The following NDUFA9 variants were observed in gnomAD, a reference collection of about 807,000 sequenced individuals.
NDUFA9 encodes the protein NADH dehydrogenase [ubiquinone] 1 alpha subcomplex subunit 9, mitochondrial.
In NDUFA9, 23 loss-of-function variants were observed where a neutral mutation model predicts 45.9. The observed-to-expected ratio is 0.50, with a 90% CI of 0.36 to 0.71. The LOEUF is 0.71. NDUFA9 is among the 30% of genes least tolerant of loss of function. The pLI, the probability that NDUFA9 is intolerant of heterozygous loss-of-function variation, is 0.00. For missense variants in NDUFA9, 466 were observed against 488.2 expected (o/e 0.95, Z 0.43); for synonymous variants, 176 against 170.5 (o/e 1.03, Z -0.25).
Position 4,692,417 on chromosome 12 carries a change from C to T in NDUFA9, c.*5309C>T, listed in dbSNP as rs1205874970. On this transcript the variant is annotated 3_prime_UTR_variant, in exon 11 of 11. Coordinates refer to ENST00000266544, the MANE Select transcript of NDUFA9 (RefSeq NM_005002.5). ...ACCTACTGCCATGACTGGAAGCTTC[C>T]TGAAGCCTCCCCAGAAGCAGATGCC... 6.6e-6 allele frequency: 1 copy of T among 152,282 alleles called. No homozygotes were observed. Among genetic ancestry groups the T allele is most frequent in the Non-Finnish European group, 1.5e-5 (1 of 68,124 alleles). The allele number at this position is 152,282 out of a possible 1,614,324, so 9.4% of individuals were successfully genotyped here.
At chr12:4,677,462 A>T (rs1410646226) in intron 8 of NDUFA9, among the ~76,000 whole-genome samples, 2 of 152,190 alleles carry the variant, frequency 1.3e-5, no homozygotes, top group African/African-American at 4.8e-5. Flanking sequence ...CAAGAAAAAA[A>T]CTTCATCAAA....
At chr12:4,661,002 G>GA in intron 5 of NDUFA9, among the ~76,000 whole-genome samples, 2 of 150,952 alleles carry the variant, frequency 1.3e-5, no homozygotes, top group Admixed American at 1.3e-4. Flanking sequence ...GAGTTGGTAT[G>GA]TTTTTTTTTA....
chr12:4,686,669 C>T (rs1005252105), intron 10 of NDUFA9, among the ~76,000 whole-genome samples: 1 of 152,102 alleles, frequency 6.6e-6, no homozygotes, highest in Non-Finnish European at 1.5e-5. Context: ...TAGAATGGCT[C>T]ATGTAGTGCC....
chr12:4,682,983 G>T (rs1945962862), intron 9 of NDUFA9, among the ~76,000 whole-genome samples: 2 of 152,220 alleles, frequency 1.3e-5, no homozygotes, highest in South Asian at 2.1e-4. Context: ...TGATGCAAGA[G>T]AATTGCTTGA....
chr12:4,673,483 A>G (rs1414278831), intron 8 of NDUFA9, among the ~76,000 whole-genome samples: 1 of 152,218 alleles, frequency 6.6e-6, no homozygotes, highest in Non-Finnish European at 1.5e-5. Flanking sequence ...AACAACATAA[A>G]TGACCTGATG....
chr12:4,676,921 CAAA>C (rs1945923281), intron 8 of NDUFA9, among the ~76,000 whole-genome samples: 1 of 152,148 alleles, frequency 6.6e-6, no homozygotes, highest in Non-Finnish European at 1.5e-5. Flanking sequence ...CTACAGTAAC[CAAA>C]ACAGCACGGT....
intron 5 of NDUFA9, among the ~76,000 whole-genome samples, chr12:4,662,200 C>T (rs1945827007): frequency 1.3e-5 from 2 of 152,102 alleles, no homozygotes; most frequent in African/African-American, 4.8e-5. Flanking sequence ...TAACAGGCTG[C>T]TAGATGGTTG....
At chr12:4,652,524 C>T (rs1945765643) in intron 1 of NDUFA9, among the ~76,000 whole-genome samples, 1 of 152,166 alleles carries the variant, frequency 6.6e-6, no homozygotes, top group East Asian at 1.9e-4. Context: ...CTTCTGTGGT[C>T]CTCTGTCCTC....
chr12:4,672,462 C>A (rs1945893167), intron 8 of NDUFA9, among the ~76,000 whole-genome samples: 1 of 152,218 alleles, frequency 6.6e-6, no homozygotes, highest in South Asian at 2.1e-4. Context: ...CCCACAGAGC[C>A]CAGCAAGCTA....
At position 4,649,146 on chromosome 12, in the gene NDUFA9, C is replaced by A. The variant is rs774163284; in HGVS notation, c.20C>A (p.Ser7Tyr). 3.1e-6 allele frequency: 5 copies of A among 1,605,038 alleles called. No individual in the cohort carries two copies. In the East Asian group the frequency reaches 6.7e-5, roughly 22 times the overall value. Residue 7 changes from serine (S) to tyrosine (Y), a missense_variant, in exon 1 of 11, where the codon TCC becomes TAC. By Grantham distance (144) the Ser-to-Tyr change is moderately radical. Coordinates refer to ENST00000266544, the MANE Select transcript of NDUFA9 (RefSeq NM_005002.5). MAAAAQ[S>Y]RVVRVLSMSR... ...GAAAAGATGGCGGCTGCCGCACAATCCCGGGTTGTCCGGGTCCTGTCAATG... is the reference window on the plus strand; with the variant it reads ...GAAAAGATGGCGGCTGCCGCACAATACCGGGTTGTCCGGGTCCTGTCAATG...
At chr12:4,679,391 G>A (rs184296349) in intron 8 of NDUFA9, among the ~76,000 whole-genome samples, 67 of 152,294 alleles carry the variant, frequency 4.4e-4, no homozygotes, top group African/African-American at 1.1e-3. Flanking sequence ...GAATTTTAAT[G>A]TATGTAAATT....
intron 8 of NDUFA9, among the ~76,000 whole-genome samples, chr12:4,678,242 C>G (rs1168857221): frequency 6.6e-6 from 1 of 151,692 alleles, no homozygotes; most frequent in Non-Finnish European, 1.5e-5. Flanking sequence ...TGTAACAAAC[C>G]TGTACGTTCT....
chr12:4,662,988 CACCCCTA>C (rs1187528660), intron 6 of NDUFA9, among the ~76,000 whole-genome samples: 1 of 152,138 alleles, frequency 6.6e-6, no homozygotes, highest in Non-Finnish European at 1.5e-5. Flanking sequence ...CCCTCCTACC[CACCCCTA>C]ACCCCAGACA....
At chr12:4,674,475 A>C (rs139969521) in intron 8 of NDUFA9, among the ~76,000 whole-genome samples, 1,642 of 152,346 alleles carry the variant, frequency 0.011, 5 homozygotes, top group Middle Eastern at 0.041. Flanking sequence ...AAAGGGATGG[A>C]GGAATATTTA....
chr12:4,667,010 C>T (rs938030386), intron 6 of NDUFA9, among the ~76,000 whole-genome samples: 18 of 152,238 alleles, frequency 1.2e-4, no homozygotes, highest in African/African-American at 4.3e-4. Context: ...GTACAACAAA[C>T]GTTGAGTAAT....
chr12:4,661,556 C>T (rs73043626), intron 5 of NDUFA9, among the ~76,000 whole-genome samples: 12 of 151,724 alleles, frequency 7.9e-5, no homozygotes, highest in Non-Finnish European at 1.3e-4. Context: ...TAGAATTTTG[C>T]CTGGTGGCTA....
In NDUFA9 at chr12:4,681,325, A is replaced by T. The variant is rs558778915; in HGVS notation, c.801-880A>T. On this transcript the variant is annotated intron_variant, in intron 8 of 10. Transcript: ENST00000266544. ...CACTAAAAGTTAAAATACAAACAAT[A>T]AAAGGTATTTCCAACAATATCACTA... Among the ~76,000 whole-genome samples the T allele has an allele frequency of 3.9e-5, 6 of 152,052 alleles. No individual in the cohort carries two copies. The South Asian group carries it at 1.2e-3, about 32-fold the overall frequency.
intron 2 of NDUFA9, 26 bp downstream of exon 2, chr12:4,654,488 T>C: frequency 6.2e-7 from 1 of 1,610,804 alleles, no homozygotes; most frequent in Non-Finnish European, 8.5e-7. Flanking sequence ...TAAGTTCATA[T>C]GCTCCATTGC....
intron 6 of NDUFA9, among the ~76,000 whole-genome samples, chr12:4,665,137 A>G (rs1232513744): frequency 6.6e-6 from 1 of 152,184 alleles, no homozygotes; most frequent in Admixed American, 6.5e-5. Flanking sequence ...AACTATTTGT[A>G]AGAGTACAGT....
Sources: gnomAD v4.1 joint callset for allele counts (sites outside exome capture counted in the v4.1 genomes callset) on GRCh38, gnomAD v4.1.1 for gene constraint, MANE v1.5 for transcripts, NCBI Gene and HGNC (gene_info 2026-07-23, HGNC 2026-07-21) for gene names.